SLC36A2: variants seen among roughly 807,000 people sequenced by gnomAD.
The protein encoded by SLC36A2 is solute carrier family 36 member 2.
A neutral mutation model predicts 42.7 loss-of-function variants in SLC36A2; 39 were observed. The observed-to-expected ratio is 0.91, with a 90% confidence interval of 0.71 to 1.19. The LOEUF (loss-of-function observed/expected upper bound fraction) is 1.19. SLC36A2 is among the 50% of genes most tolerant of loss of function. SLC36A2 has a pLI of 0.00. For missense variants in SLC36A2, 590 were observed against 613.7 expected, an observed-to-expected ratio of 0.96 and a Z score of 0.41; for synonymous variants, 237 against 240.8, an observed-to-expected ratio of 0.98 and a Z score of 0.15.
chr5:151,319,711 G>A (rs1259754959), intron 9 of SLC36A2: 1 of 153,136 alleles, frequency 6.5e-6, no homozygotes, highest in Non-Finnish European at 1.5e-5. Context: ...GGGGGTGAAG[G>A]CTTGGCTAGT....
intron 9 of SLC36A2, among the ~76,000 whole-genome samples, chr5:151,318,177 G>C (rs1179928671): frequency 6.6e-6 from 1 of 152,008 alleles, no homozygotes; most frequent in Non-Finnish European, 1.5e-5. Context: ...TTTTGTTCAG[G>C]CATTTTTAGC....
At position 151,322,074 on chromosome 5, in the gene SLC36A2, G is replaced by A. The variant is rs1755711577; in HGVS notation, c.1152C>T (p.Ser384=). 1 of 1,614,188 alleles carries A rather than the reference G, an allele frequency of 6.2e-7. No homozygotes were observed. The highest frequency in any genetic ancestry group is 8.5e-7 in the Non-Finnish European group (1 of 1,180,036). ...STRWALPLDL[S]IRLVMVCLTC... is the part of the protein sequence containing the mutation. ...TCAGGCAGACCATGACGAGGCGAAT[G>A]GACAGATCCAGAGGCAGTGCCCAGC... is the stretch of plus-strand genomic sequence containing the variant. Residue 384 remains serine (S), a synonymous_variant, in exon 9 of 10, where the codon TCC becomes TCT. Coordinates refer to ENST00000335244, the MANE Select transcript of SLC36A2 (RefSeq NM_181776.3).
chr5:151,321,466 G>A (rs1755686912), intron 9 of SLC36A2, among the ~76,000 whole-genome samples: 1 of 151,486 alleles, frequency 6.6e-6, no homozygotes, highest in African/African-American at 2.4e-5. Context: ...TCACAGGCAT[G>A]TGCCAGAGTG....
chr5:151,347,323 T>G lies in SLC36A2; in HGVS notation c.138A>C (p.Ala46=), dbSNP rs145424088. 45 of 1,614,254 alleles carry G rather than the reference T, an allele frequency of 2.8e-5. No homozygotes were observed. In the African/African-American group the frequency reaches 4.8e-4, roughly 17 times the overall value. Residue 46 remains alanine, a synonymous_variant, in exon 1 of 10, where the codon GCA becomes GCC. Transcript: ENST00000335244. The part of the protein sequence containing the change: ...TFLDESPSES[A]GLKKTKGITV... The stretch of plus-strand genomic sequence containing the variant: ...TTATGCCCTTGGTCTTCTTCAAGCC[T>G]GCTGACTCTGAAGGACTTTCATCCA...
intron 4 of SLC36A2, among the ~76,000 whole-genome samples, chr5:151,340,215 GGGAGAGGAGGAGGAA>G (rs1756297264): frequency 1.5e-5 from 2 of 137,028 alleles, no homozygotes; most frequent in Non-Finnish European, 3.0e-5. Flanking sequence ...AGGAGGAGGA[GGGAGAGGAGGAGGAA>G]GGGGAGGAGG....
intron 1 of SLC36A2, among the ~76,000 whole-genome samples, chr5:151,347,032 A>G (rs114173922): frequency 0.041 from 6,294 of 152,256 alleles, 443 homozygotes; most frequent in African/African-American, 0.14. Context: ...TTATCCTGCC[A>G]ATGACTCAGT....
intron 9 of SLC36A2, chr5:151,319,153 G>A: frequency 5.1e-6 from 5 of 974,854 alleles, no homozygotes; most frequent in Non-Finnish European, 6.1e-6. Flanking sequence ...GATTTTTCAT[G>A]TAAAGCATTC....
rs1039964483 is a variant in SLC36A2, at chr5:151,315,117, T to C, written c.*1700A>G. 6.5e-6 allele frequency: 1 copy of C among 152,704 alleles called. No individual in the cohort carries two copies. Among genetic ancestry groups the C allele is most frequent in the African/African-American group, 2.4e-5 (1 of 41,466 alleles). 9.5% of individuals were successfully genotyped at this position (152,704 alleles called of 1,614,324 possible). On this transcript the variant is annotated 3_prime_UTR_variant, in exon 10 of 10. Transcript: ENST00000335244. The stretch of plus-strand genomic sequence containing the variant: ...CGTGTCTGGAAGTTGGTAGGCTGGT[T>C]GATCTGCGGACAGGGCTCAACTGGG...
chr5:151,316,364 A>G lies in SLC36A2; in HGVS notation c.*453T>C, dbSNP rs1755490382. On this transcript the variant is annotated 3_prime_UTR_variant, in exon 10 of 10. Transcript: ENST00000335244. ...AAACAAAACAAAAATGTAAAAAATT[A>G]CCATTTAGAGCTTGTAGCTTTCTTG... The G allele has an allele frequency of 5.9e-6, 1 of 168,104 alleles. No individual in the cohort carries two copies. The highest frequency in any genetic ancestry group is 1.3e-5 in the Non-Finnish European group (1 of 77,318). The allele number at this position is 168,104 out of a possible 1,614,324, so 10.4% of individuals were successfully genotyped here.
At chr5:151,338,707 C>A in intron 5 of SLC36A2, 2 of 209,636 alleles carry the variant, frequency 9.5e-6, no homozygotes, top group East Asian at 1.1e-4. Flanking sequence ...GAAAGATGAC[C>A]TAAAGAAGAC....
At chr5:151,346,530 G>A (rs150227376) in intron 1 of SLC36A2, among the ~76,000 whole-genome samples, 65 of 152,280 alleles carry the variant, frequency 4.3e-4, no homozygotes, top group Middle Eastern at 3.4e-3. Context: ...CAGGCCTTCT[G>A]ATTCTCTGTC....
chr5:151,317,175 G>A, intron 9 of SLC36A2, 87 bp from the exon 10 acceptor site: 1 of 1,514,816 alleles, frequency 6.6e-7, no homozygotes, highest in Non-Finnish European at 9.0e-7. Context: ...TTCTTGGCCA[G>A]GCACAGTGGC....
intron 1 of SLC36A2, 54 bp downstream of exon 1, chr5:151,347,243 A>G (rs756908217): frequency 1.1e-5 from 18 of 1,610,526 alleles, no homozygotes; most frequent in Non-Finnish European, 1.4e-5. Flanking sequence ...GTTTTTGCCA[A>G]TGCAAGCTTC....
rs183029569 is a variant in SLC36A2 at position 151,346,893 on chromosome 5, C to T, written c.164+404G>A. Among the ~76,000 whole-genome samples, 34 of 152,240 alleles carry T rather than the reference C, an allele frequency of 2.2e-4. No homozygotes were observed. The East Asian group carries it at 6.4e-3, about 28-fold the overall frequency. On this transcript the variant is annotated intron_variant, in intron 1 of 9. Coordinates refer to ENST00000335244, the MANE Select transcript of SLC36A2 (RefSeq NM_181776.3). ...GGAAATACTTAGTGGTCAGTGAGGCCACTGTGGTTTTAAGCTCAGGACTCA... is the reference window on the plus strand; with the variant it reads ...GGAAATACTTAGTGGTCAGTGAGGCTACTGTGGTTTTAAGCTCAGGACTCA...
chr5:151,329,273 C>A (rs774828862), intron 7 of SLC36A2, among the ~76,000 whole-genome samples: 22 of 152,174 alleles, frequency 1.4e-4, no homozygotes, highest in Non-Finnish European at 2.6e-4. Context: ...GATATTGGAA[C>A]CATGGCCCAC....
intron 9 of SLC36A2, among the ~76,000 whole-genome samples, chr5:151,321,719 C>T (rs1406599536): frequency 1.3e-5 from 2 of 150,286 alleles, no homozygotes; most frequent in Non-Finnish European, 3.0e-5. Context: ...TGCTCTGTTG[C>T]CCAGGCTGGA....
intron 9 of SLC36A2, among the ~76,000 whole-genome samples, chr5:151,318,506 TAAATA>T (rs1448329385): frequency 8.2e-6 from 1 of 122,538 alleles, no homozygotes; most frequent in Non-Finnish European, 1.6e-5. Flanking sequence ...ATAATAAAAA[TAAATA>T]ATAAATAAAA....
chr5:151,326,743 A>G (rs933284645), intron 7 of SLC36A2, among the ~76,000 whole-genome samples: 2 of 151,988 alleles, frequency 1.3e-5, no homozygotes, highest in Admixed American at 1.3e-4. Context: ...GCTGTGTGCT[A>G]AGCATTCTCT....
At chr5:151,336,019 A>AAT (rs1264669277) in intron 5 of SLC36A2, among the ~76,000 whole-genome samples, 1 of 151,714 alleles carries the variant, frequency 6.6e-6, no homozygotes, top group African/African-American at 2.4e-5. Flanking sequence ...AAAAAAAAAA[A>AAT]GTTGTAAAAA....
Sources: allele counts gnomAD v4.1 joint callset (sites outside exome capture counted in the v4.1 genomes callset), GRCh38; gene constraint gnomAD v4.1.1; transcripts MANE v1.5; gene names NCBI Gene and HGNC (gene_info 2026-07-23, HGNC 2026-07-21).